The following FKBP15 variants were observed in gnomAD, a reference collection of about 807,000 sequenced individuals.
FKBP15 encodes the protein FK506-binding protein 15.
A neutral mutation model predicts 158.1 loss-of-function variants in FKBP15; 106 were observed. The ratio of observed to expected loss-of-function variants is 0.67; its 90% CI spans 0.57 to 0.79. FKBP15 has a LOEUF of 0.79. Ranked by LOEUF, FKBP15 falls within the 30% of genes least tolerant of loss-of-function variation. The pLI, the probability that FKBP15 is intolerant of heterozygous loss-of-function variation, is 0.00. For missense variants in FKBP15, 1,287 were observed against 1,479.1 expected (o/e 0.87, Z 2.13); for synonymous variants, 547 against 548.6 (o/e 1.00, Z 0.04).
chr9:113,168,408 A>G, intron 27 of FKBP15, 52 bp downstream of exon 27: 3 of 1,483,534 alleles, frequency 2.0e-6, no homozygotes, highest in Non-Finnish European at 2.8e-6. Flanking sequence ...CCAGTAGGGA[A>G]GAGCCCCCAG....
chr9:113,161,668 A>G lies in FKBP15; in HGVS notation c.*4410T>C, dbSNP rs748539688. ...ACAGACGGGGACTCTGCAGGCTCAG[A>G]TTCATTCCCTGTTGGCAGAACCCAC... On this transcript the variant is annotated 3_prime_UTR_variant, in exon 28 of 28. Coordinates refer to ENST00000238256, the MANE Select transcript of FKBP15 (RefSeq NM_015258.2). The G allele has an allele frequency of 1.6e-5, 26 of 1,613,872 alleles. No homozygotes were observed. Among genetic ancestry groups the G allele is most frequent in the Non-Finnish European group, 2.2e-5 (26 of 1,179,888 alleles).
chr9:113,205,092 C>T (rs901741846), intron 4 of FKBP15, among the ~76,000 whole-genome samples: 4 of 152,206 alleles, frequency 2.6e-5, no homozygotes, highest in South Asian at 2.1e-4. Flanking sequence ...TAGAAGAAAA[C>T]GTAGAGGTGA....
intron 5 of FKBP15, 106 bp downstream of exon 5, chr9:113,202,855 C>G (rs1342517061): frequency 2.1e-6 from 2 of 968,976 alleles, no homozygotes; most frequent in Non-Finnish European, 3.2e-6. Context: ...ACAAGGACAC[C>G]CAGGGCTGAA....
In FKBP15 at chr9:113,183,917, T is replaced by G. The variant is rs1054384383; in HGVS notation, c.1717-72A>C. ...AGTGCCAGATAGAAGAGAATCAACT[T>G]GAACTGACAGGTGACATTGTTAACA... On this transcript the variant is annotated intron_variant, in intron 17 of 27. Transcript: ENST00000238256. 11 of 1,086,836 alleles carry G rather than the reference T, an allele frequency of 1.0e-5. No individual in the cohort carries two copies. The Admixed American group carries it at 2.0e-4, about 20-fold the overall frequency. The allele number at this position is 1,086,836 out of a possible 1,614,324, so 67.3% of individuals were successfully genotyped here. A position where few individuals can be genotyped will look rare whatever the true frequency, so the allele number is the denominator to read the frequency against.
At chr9:113,193,954 C>T in intron 10 of FKBP15, 73 bp downstream of exon 10, 4 of 1,458,760 alleles carry the variant, frequency 2.7e-6, no homozygotes, top group Non-Finnish European at 3.6e-6. Flanking sequence ...TTAACTATAT[C>T]TCTATTTCTG....
chr9:113,207,118 C>T lies in FKBP15; in HGVS notation c.254+94G>A, dbSNP rs140619696. ...TTTGTCCGTGGAAGGGCTAAATAAC[C>T]GTTTTGCAACAAACAGAGGTTTTTC... On this transcript the variant is annotated intron_variant, in intron 3 of 27. Coordinates refer to ENST00000238256, the MANE Select transcript of FKBP15 (RefSeq NM_015258.2). The T allele has an allele frequency of 4.0e-5, 38 of 954,602 alleles. No individual in the cohort carries two copies. In the East Asian group the frequency reaches 4.9e-4, roughly 12 times the overall value. The allele number at this position is 954,602 out of a possible 1,614,324, so 59.1% of individuals were successfully genotyped here.
chr9:113,177,090 C>T (rs1451821616), intron 20 of FKBP15, among the ~76,000 whole-genome samples: 4 of 152,222 alleles, frequency 2.6e-5, no homozygotes, highest in African/African-American at 9.6e-5. Context: ...GTATACATGT[C>T]ACCTTCTCCA....
chr9:113,169,531 C>T lies in FKBP15; in HGVS notation c.3178G>A (p.Glu1060Lys), dbSNP rs1477366165. The stretch of plus-strand genomic sequence containing the variant: ...GCCATTGGGCTGGCAGCAAGTGACT[C>T]CTCACACTCAGAGTCCATGGATACA... ...GPVSMDSECE[E>K]SLAASPMAAK... The change falls in exon 26 of 28, where the codon GAG (glutamate) becomes AAG (lysine). Residue 1060 changes from glutamate to lysine, a missense_variant. Glu to Lys is a moderately conservative substitution (Grantham distance 56, BLOSUM62 1). Transcript: ENST00000238256. 1 of 1,614,050 alleles carries T rather than the reference C, an allele frequency of 6.2e-7. No individual in the cohort carries two copies. Among genetic ancestry groups the T allele is most frequent in the Admixed American group, 1.7e-5 (1 of 60,036 alleles).
chr9:113,174,755 A>C (rs1830272901), intron 21 of FKBP15, among the ~76,000 whole-genome samples, 172 bp from the exon 22 acceptor site: 1 of 152,202 alleles, frequency 6.6e-6, no homozygotes, highest in South Asian at 2.1e-4. Flanking sequence ...GGGTGAGGAA[A>C]ATGGTGACAG....
intron 3 of FKBP15, 162 bp downstream of exon 3, chr9:113,207,050 C>A (rs1830901722): frequency 3.3e-6 from 2 of 608,960 alleles, no homozygotes; most frequent in Non-Finnish European, 5.9e-6. Context: ...TCAAGTTTTA[C>A]CACAGAAATC....
At chr9:113,202,390 G>A (rs1687094390) in intron 6 of FKBP15, 141 bp downstream of exon 6, 2 of 518,564 alleles carry the variant, frequency 3.9e-6, no homozygotes, top group Non-Finnish European at 7.0e-6. Flanking sequence ...ACAATAGGCC[G>A]AAGTGGCAAA....
rs752536718 is a variant in FKBP15, at chr9:113,182,731, C to G, written c.1914+35G>C. The G allele has an allele frequency of 1.9e-6, 3 of 1,567,340 alleles. No homozygotes were observed. The South Asian group carries it at 3.3e-5, about 17-fold the overall frequency. Reference sequence around the variant, plus strand: ...GGGACCATTCCTTAGCTCTACCCATCCTGACCTGGGCTTTTCTCTCCCCAG... The same window carrying G: ...GGGACCATTCCTTAGCTCTACCCATGCTGACCTGGGCTTTTCTCTCCCCAG... On this transcript the variant is annotated intron_variant, in intron 19 of 27. Transcript: ENST00000238256.
intron 1 of FKBP15, among the ~76,000 whole-genome samples, chr9:113,220,987 A>G (rs1368834328): frequency 2.0e-5 from 3 of 152,158 alleles, no homozygotes; most frequent in Admixed American, 6.5e-5. Flanking sequence ...CCGCCAAGAG[A>G]GATGCCGGGT....
chr9:113,216,574 G>A (rs1426485498), intron 1 of FKBP15, among the ~76,000 whole-genome samples: 1 of 152,298 alleles, frequency 6.6e-6, no homozygotes, highest in Admixed American at 6.5e-5. Flanking sequence ...GAAAATTCGG[G>A]CAAATTGCCT....
rs539299824 is a variant in FKBP15, at chr9:113,161,564, C to T, written c.*4514G>A. On this transcript the variant is annotated 3_prime_UTR_variant, in exon 28 of 28. Transcript: ENST00000238256. ...TTCTGGCTGTACTGTATGAAGGCAT[C>T]AAGGTTGGCAAAGCCAAGCTGCTCA... is the stretch of plus-strand genomic sequence containing the variant. 7.0e-4 allele frequency: 1,135 copies of T among 1,614,034 alleles called. 18 individuals carry two copies. The South Asian group carries it at 0.012, about 17-fold the overall frequency.
At chr9:113,178,870 C>T in intron 19 of FKBP15, 69 bp from the exon 20 acceptor site, 1 of 1,434,516 alleles carries the variant, frequency 7.0e-7, no homozygotes, top group Non-Finnish European at 9.4e-7. Flanking sequence ...GAACCAACCT[C>T]ACATAACTCT....
chr9:113,171,812 T>G (rs1290900723), intron 23 of FKBP15, 106 bp from the exon 24 acceptor site: 22 of 956,608 alleles, frequency 2.3e-5, no homozygotes, highest in Non-Finnish European at 2.9e-5. Flanking sequence ...TTTTTTTTTT[T>G]GCATATAATA....
intron 4 of FKBP15, 78 bp from the exon 5 acceptor site, chr9:113,203,113 T>C (rs995519212): frequency 1.0e-6 from 1 of 957,690 alleles, no homozygotes; most frequent in South Asian, 1.5e-5. Context: ...ATCAGCAATA[T>C]AAAATCAGCA....
intron 19 of FKBP15, among the ~76,000 whole-genome samples, chr9:113,181,119 T>A (rs2118882679): frequency 6.6e-6 from 1 of 152,334 alleles, no homozygotes; most frequent in African/African-American, 2.4e-5. Context: ...CCCTAAAAAA[T>A]TTGTGTGAAA....
Sources: allele counts gnomAD v4.1 joint callset (sites outside exome capture counted in the v4.1 genomes callset), GRCh38; gene constraint gnomAD v4.1.1; transcripts MANE v1.5; gene names NCBI Gene and HGNC (gene_info 2026-07-23, HGNC 2026-07-21).